Variants in PCDHA3 observed in about 807,000 individuals in gnomAD.
PCDHA3 encodes the protein protocadherin alpha-3.
PCDHA3 carries 41 observed loss-of-function variants against 62.2 expected under a neutral mutation model. The observed-to-expected ratio is 0.66, with a 90% CI of 0.51 to 0.86. The LOEUF is 0.86. Among genes scored for constraint, PCDHA3 ranks in the 40% least tolerant of loss-of-function variants. PCDHA3 has a pLI of 0.00. For synonymous variants in PCDHA3, 640 were observed against 555.4 expected (o/e 1.15, Z -2.14); for missense variants, 1,304 against 1,241.2 (o/e 1.05, Z -0.76).
chr5:140,836,895 A>G (rs1339036250), intron 1 of PCDHA3: 1 of 615,448 alleles, frequency 1.6e-6, no homozygotes, highest in African/African-American at 1.9e-5. Context: ...ATTTGGAAGT[A>G]CGTTTAATAT....
At chr5:140,867,449 G>A (rs1423382267) in intron 1 of PCDHA3, 3 of 152,036 alleles carry the variant, frequency 2.0e-5, no homozygotes, top group African/African-American at 7.2e-5. Context: ...CTGAATTAGA[G>A]TTCTAGTGTT....
chr5:140,883,710 A>C (rs782592824), intron 1 of PCDHA3: 1 of 1,613,516 alleles, frequency 6.2e-7, no homozygotes, highest in South Asian at 1.1e-5. Context: ...TCTGCTCAGG[A>C]CGCGGACGCA....
chr5:140,876,967 G>A (rs200960356), intron 1 of PCDHA3: 7 of 1,612,934 alleles, frequency 4.3e-6, no homozygotes, highest in African/African-American at 2.7e-5. Context: ...GGAGCGGCGG[G>A]TGGGCGAGCA....
chr5:140,818,198 T>A (rs2150100405), intron 1 of PCDHA3, among the ~76,000 whole-genome samples: 1 of 152,226 alleles, frequency 6.6e-6, no homozygotes, highest in East Asian at 1.9e-4. Flanking sequence ...TATAAGTACA[T>A]GTATGTTAAA....
chr5:140,940,502 G>A (rs182744023), intron 1 of PCDHA3, among the ~76,000 whole-genome samples: 2 of 151,906 alleles, frequency 1.3e-5, no homozygotes, highest in Admixed American at 6.5e-5. Context: ...TTGCTCCGTC[G>A]CTCAGGCGTG....
intron 1 of PCDHA3, chr5:140,842,539 G>A (rs182995378): frequency 1.2e-6 from 2 of 1,610,436 alleles, no homozygotes; most frequent in African/African-American, 1.3e-5. Context: ...ATTACTACTC[G>A]TTGGTGCTGG....
At chr5:140,863,774 G>A (rs1581698877) in intron 1 of PCDHA3, 2 of 239,304 alleles carry the variant, frequency 8.4e-6, no homozygotes, top group African/African-American at 2.2e-5. Context: ...CGAGGCGGGC[G>A]GATCACTCGA....
At chr5:140,863,421 CGTA>C in intron 1 of PCDHA3, 3 of 689,676 alleles carry the variant, frequency 4.3e-6, no homozygotes, top group Non-Finnish European at 7.6e-6. Flanking sequence ...TGTACCGCAG[CGTA>C]GTGGGATCTG....
chr5:140,940,361 A>T (rs1396183629), intron 1 of PCDHA3, among the ~76,000 whole-genome samples: 1 of 152,210 alleles, frequency 6.6e-6, no homozygotes, highest in Non-Finnish European at 1.5e-5. Flanking sequence ...TGCTATTAAA[A>T]GTATTCCTTG....
intron 1 of PCDHA3, chr5:140,821,682 T>C: frequency 7.4e-7 from 1 of 1,350,590 alleles, no homozygotes; most frequent in Non-Finnish European, 1.0e-6. Flanking sequence ...AGAAAGGCGA[T>C]AATATAAAAA....
At chr5:140,873,403 G>A (rs2054270816) in intron 1 of PCDHA3, among the ~76,000 whole-genome samples, 1 of 152,046 alleles carries the variant, frequency 6.6e-6, no homozygotes, top group South Asian at 2.1e-4. Flanking sequence ...TTCAGTACAG[G>A]TTAAAATTTT....
intron 1 of PCDHA3, chr5:140,875,742 C>T (rs782079077): frequency 3.1e-6 from 5 of 1,614,218 alleles, no homozygotes; most frequent in South Asian, 1.1e-5. Context: ...ATTCTCGGAT[C>T]GACCGCGAGA....
chr5:140,891,748 C>G (rs575198849), intron 1 of PCDHA3, among the ~76,000 whole-genome samples: 2 of 152,242 alleles, frequency 1.3e-5, no homozygotes, highest in African/African-American at 4.8e-5. Flanking sequence ...CCTTATACAA[C>G]AGTGTTGGGA....
chr5:140,909,787 A>C (rs1299398218), intron 1 of PCDHA3, among the ~76,000 whole-genome samples: 2 of 152,156 alleles, frequency 1.3e-5, no homozygotes, highest in African/African-American at 4.8e-5. Flanking sequence ...ACCCACTCTA[A>C]GTCAGACTTC....
rs2150277487 is a variant in PCDHA3, at chr5:140,837,615, C to CCCTT, written c.2394+34041_2394+34044dup. On this transcript the variant is annotated intron_variant, in intron 1 of 3. Transcript: ENST00000522353. ...CCAATATATATATTTTATAATTTGC[C>CCCTT]CCTTCCTTCCTTCCTTCCTTTCTTT... Among the ~76,000 whole-genome samples the CCCTT allele has an allele frequency of 5.2e-3, 763 of 145,918 alleles. 3 individuals are homozygous for CCCTT. Among genetic ancestry groups the CCCTT allele is most frequent in the South Asian group, 0.011 (50 of 4,612 alleles).
chr5:140,968,035 G>A, intron 1 of PCDHA3: 1 of 1,614,184 alleles, frequency 6.2e-7, no homozygotes, highest in South Asian at 1.1e-5. Flanking sequence ...CACTGGTGGT[G>A]AGCGGCCCAC....
chr5:140,853,963 A>G (rs1458848768), intron 1 of PCDHA3: 2 of 685,274 alleles, frequency 2.9e-6, no homozygotes, highest in African/African-American at 2.0e-5. Flanking sequence ...CCTTGAGCCC[A>G]GCAGTTTGAG....
In PCDHA3 at chr5:140,884,521, G is replaced by A. The variant is rs569278761; in HGVS notation, c.2394+80930G>A. On this transcript the variant is annotated intron_variant, in intron 1 of 3. Transcript: ENST00000522353. ...GCGCGGCAGGGAGTTGGTCGTACTCGCAGCAGAGGCGGCCGAGGGTGTGCT... is the reference window on the plus strand; with the variant it reads ...GCGCGGCAGGGAGTTGGTCGTACTCACAGCAGAGGCGGCCGAGGGTGTGCT... 8.1e-6 allele frequency: 13 copies of A among 1,614,196 alleles called. No homozygotes were observed. In the East Asian group the frequency reaches 2.0e-4, roughly 25 times the overall value.
intron 1 of PCDHA3, among the ~76,000 whole-genome samples, chr5:140,944,732 G>A (rs1351639657): frequency 6.6e-6 from 1 of 152,142 alleles, no homozygotes; most frequent in Non-Finnish European, 1.5e-5. Context: ...ACCTTAGTAA[G>A]TCTGAGCATT....
Sources: allele counts gnomAD v4.1 joint callset (sites outside exome capture counted in the v4.1 genomes callset), GRCh38; gene constraint gnomAD v4.1.1; transcripts MANE v1.5; gene names NCBI Gene and HGNC (gene_info 2026-07-23, HGNC 2026-07-21).